Variants in RUVBL2 observed in about 807,000 individuals in gnomAD.
RUVBL2 encodes the protein RuvB like AAA ATPase 2, also known as ruvB-like 2.
A neutral mutation model predicts 57.9 loss-of-function variants in RUVBL2; 9 were observed. That is an observed-to-expected ratio of 0.16 (90% CI 0.09 to 0.27). The LOEUF (loss-of-function observed/expected upper bound fraction) is 0.27, where lower values mean the gene tolerates loss of function less well. RUVBL2 is among the 10% of genes least tolerant of loss of function. RUVBL2 has a pLI of 1.00. For synonymous variants in RUVBL2, 278 were observed against 264.6 expected (o/e 1.05, Z -0.49); for missense variants, 456 against 669.6 (o/e 0.68, Z 3.52).
intron 1 of RUVBL2, among the ~76,000 whole-genome samples, chr19:48,997,084 C>G (rs2039077173): frequency 6.6e-6 from 1 of 151,946 alleles, no homozygotes; most frequent in South Asian, 2.1e-4. Context: ...GCAGCCATTT[C>G]CACAGTCAAT....
chr19:49,009,351 G>T (rs550405399), intron 6 of RUVBL2, among the ~76,000 whole-genome samples: 50 of 151,608 alleles, frequency 3.3e-4, no homozygotes, highest in African/African-American at 1.2e-3. Flanking sequence ...GCCATGCGTG[G>T]TGGCGGGCGC....
chr19:49,014,153 C>T (rs578050472), intron 11 of RUVBL2, among the ~76,000 whole-genome samples: 13 of 152,322 alleles, frequency 8.5e-5, no homozygotes, highest in Non-Finnish European at 1.0e-4. Context: ...GGGCTGGCCC[C>T]GCTGCAGCAG....
Position 49,010,480 on chromosome 19 carries a change from C to CCCCCACCA in RUVBL2, c.664-5_664-4insCACCACCC. The CCCCCACCA allele has an allele frequency of 1.3e-6, 2 of 1,598,792 alleles. No homozygotes were observed. Among genetic ancestry groups the CCCCCACCA allele is most frequent in the Non-Finnish European group, 1.7e-6 (2 of 1,167,772 alleles). ...CTCCGCCGTTCTTCCCCCACCCCCG[C>CCCCCACCA]CCCATAGACCAAGTTCGTGCAGTGC... is the stretch of plus-strand genomic sequence containing the variant. On this transcript the variant is annotated splice_polypyrimidine_tract_variant and splice_region_variant and intron_variant, in intron 8 of 14. Coordinates refer to ENST00000595090, the MANE Select transcript of RUVBL2 (RefSeq NM_006666.3).
At chr19:48,993,809 A>G, upstream of RUVBL2, 1 of 1,421,106 alleles carries the variant, frequency 7.0e-7, no homozygotes, top group Non-Finnish European at 9.9e-7. Flanking sequence ...ATTTATGAGG[A>G]ACCATCGAGA....
chr19:48,995,942 G>T (rs865854670), intron 1 of RUVBL2, among the ~76,000 whole-genome samples: 36 of 150,534 alleles, frequency 2.4e-4, no homozygotes, highest in African/African-American at 8.8e-4. Context: ...AGCCGAGATC[G>T]CGCCACTGCA....
intron 4 of RUVBL2, 64 bp from the exon 5 acceptor site, chr19:49,006,954 C>T (rs1274520249): frequency 3.2e-6 from 5 of 1,586,662 alleles, no homozygotes; most frequent in Admixed American, 1.7e-5. Context: ...TAGTTTGCCA[C>T]AGAGCAGGTG....
In RUVBL2 at chr19:49,010,756, C is replaced by T. The variant is rs1396200640; in HGVS notation, c.787+145C>T. Reference sequence around the variant, plus strand: ...TCCGGCCCGTGGCTGCCTCTGTTCTCCACCTGCAAGTCCGCTCCGTCCCCA... The same window carrying T: ...TCCGGCCCGTGGCTGCCTCTGTTCTTCACCTGCAAGTCCGCTCCGTCCCCA... On this transcript the variant is annotated intron_variant, in intron 9 of 14. Transcript: ENST00000595090. 7.4e-6 allele frequency: 9 copies of T among 1,212,364 alleles called. No individual in the cohort carries two copies. The African/African-American group carries it at 1.4e-4, about 18-fold the overall frequency. 75.1% of individuals were successfully genotyped at this position (1,212,364 alleles called of 1,614,324 possible).
intron 4 of RUVBL2, among the ~76,000 whole-genome samples, chr19:49,006,190 C>T (rs547850043): frequency 3.9e-5 from 6 of 152,374 alleles, no homozygotes; most frequent in South Asian, 4.1e-4. Flanking sequence ...ATTGTGTATC[C>T]GCAAAGAGGA....
chr19:49,011,532 C>G lies in RUVBL2; in HGVS notation c.1001+222C>G, dbSNP rs948364392. Among the ~76,000 whole-genome samples the G allele has an allele frequency of 3.3e-5, 5 of 152,202 alleles. No homozygotes were observed. The highest frequency in any genetic ancestry group is 1.2e-4 in the African/African-American group (5 of 41,436). ...TTTCTGTCTTGCTGCTCCTTTAGCC[C>G]CCAAGGCTGCAGTCTTCAAACTGCG... On this transcript the variant is annotated intron_variant, in intron 11 of 14. Transcript: ENST00000595090. This position sits in a 1 kb window ranked among gnomAD's most constrained non-coding sequence, Gnocchi z 4.4.
At chr19:48,993,568 A>T (rs1600159872), upstream of RUVBL2, 5 of 471,636 alleles carry the variant, frequency 1.1e-5, no homozygotes, top group South Asian at 1.1e-4. Context: ...AGTGGGGAGG[A>T]GGAGGAGGGT....
chr19:49,006,668 G>A (rs753947967), intron 4 of RUVBL2, among the ~76,000 whole-genome samples: 12 of 152,208 alleles, frequency 7.9e-5, no homozygotes, highest in Non-Finnish European at 1.3e-4. Context: ...CTTGGCCTTC[G>A]TCCCTGGTCC....
At chr19:49,015,202 A>T in intron 13 of RUVBL2, 52 bp downstream of exon 13, 1 of 1,586,062 alleles carries the variant, frequency 6.3e-7, no homozygotes. Flanking sequence ...TGAGTGACAC[A>T]GTACTTCAGG....
At chr19:49,003,172 TCCCA>T in intron 2 of RUVBL2, 103 bp from the exon 3 acceptor site, 1 of 532,698 alleles carries the variant, frequency 1.9e-6, no homozygotes, top group Non-Finnish European at 3.8e-6. Context: ...TGCTCCCTAC[TCCCA>T]CCCACCCCTT....
chr19:49,012,988 G>A (rs969406480), intron 11 of RUVBL2, among the ~76,000 whole-genome samples: 9 of 151,950 alleles, frequency 5.9e-5, no homozygotes, highest in Admixed American at 3.3e-4. Flanking sequence ...GTTTTGAGAC[G>A]GAGTCTAGCT....
At chr19:48,999,972 A>G (rs941890902) in intron 2 of RUVBL2, among the ~76,000 whole-genome samples, 1 of 152,166 alleles carries the variant, frequency 6.6e-6, no homozygotes, top group Non-Finnish European at 1.5e-5. Context: ...CCGGCAGGGA[A>G]GTGACCGCAT....
intron 8 of RUVBL2, 186 bp from the exon 9 acceptor site, chr19:49,010,302 C>G (rs1024789669): frequency 1.9e-5 from 13 of 701,700 alleles, no homozygotes; most frequent in Non-Finnish European, 3.1e-5. Flanking sequence ...CCCCGTGACC[C>G]TCAGCGCTCT....
intron 1 of RUVBL2, among the ~76,000 whole-genome samples, chr19:48,997,332 C>T (rs1275523138): frequency 1.3e-5 from 2 of 152,130 alleles, no homozygotes; most frequent in Non-Finnish European, 2.9e-5. Flanking sequence ...TGTATCAGAA[C>T]TCCATTCCTG....
At chr19:49,008,064 T>C (rs2039320129) in intron 6 of RUVBL2, among the ~76,000 whole-genome samples, 1 of 149,030 alleles carries the variant, frequency 6.7e-6, no homozygotes, top group Admixed American at 6.7e-5. Context: ...TTTGCATAGC[T>C]GTGTTTTCTG....
At chr19:49,006,789 G>A (rs529143562) in intron 4 of RUVBL2, among the ~76,000 whole-genome samples, 29 of 152,358 alleles carry the variant, frequency 1.9e-4, no homozygotes, top group Admixed American at 3.3e-4. Flanking sequence ...CAGGCCTGCC[G>A]GAGCAACCTG....
Sources: gnomAD v4.1 joint callset for allele counts (sites outside exome capture counted in the v4.1 genomes callset) on GRCh38, gnomAD v4.1.1 for gene constraint, Gnocchi (gnomAD v3.1) non-coding constraint, MANE v1.5 for transcripts, NCBI Gene and HGNC (gene_info 2026-07-23, HGNC 2026-07-21) for gene names.